POLK: variants seen among roughly 807,000 people sequenced by gnomAD.
The protein encoded by POLK is DNA polymerase kappa.
A neutral mutation model predicts 94.0 loss-of-function variants in POLK; 76 were observed. The ratio of observed to expected loss-of-function variants is 0.81; its 90% CI spans 0.67 to 0.98. The LOEUF (loss-of-function observed/expected upper bound fraction) is 0.98. POLK is among the 50% of genes least tolerant of loss of function. The pLI, the probability that POLK is intolerant of heterozygous loss-of-function variation, is 0.00. For missense variants in POLK, 954 were observed against 1,010.1 expected, an observed-to-expected ratio of 0.94 and a Z score of 0.75; for synonymous variants, 349 against 325.4, an observed-to-expected ratio of 1.07 and a Z score of -0.78.
exon 15 of POLK, chr5:75,598,220 A>G: frequency 3.2e-6 from 1 of 307,754 alleles, no homozygotes. Context: ...TACTTCCATT[A>G]TACATCAATT....
rs1771717446 is a variant in POLK at position 75,573,652 on chromosome 5, A to G, written c.409-86A>G. 11 of 1,106,942 alleles carry G rather than the reference A, an allele frequency of 9.9e-6. No individual in the cohort carries two copies. The Admixed American group carries it at 1.9e-4, about 19-fold the overall frequency. The allele number at this position is 1,106,942 out of a possible 1,614,324, so 68.6% of individuals were successfully genotyped here. ...AAATGTCCTTGAATTGAAAATGCAC[A>G]TATTAATGTGTTTCTTATGAATGCA... On this transcript the variant is annotated intron_variant, in intron 4 of 14. Transcript: ENST00000241436.
chr5:75,526,419 A>G (rs1768844592), intron 1 of POLK, among the ~76,000 whole-genome samples: 1 of 152,042 alleles, frequency 6.6e-6, no homozygotes, highest in Admixed American at 6.6e-5. Context: ...GATTTTTACT[A>G]TGTAAATTAA....
chr5:75,583,253 T>C, intron 7 of POLK, 40 bp from the exon 8 acceptor site: 2 of 1,484,672 alleles, frequency 1.3e-6, no homozygotes, highest in Admixed American at 4.4e-5. Context: ...AAGTCATACA[T>C]ATCAACTTCT....
At chr5:75,542,690 T>C (rs942541334) in intron 1 of POLK, among the ~76,000 whole-genome samples, 1 of 147,536 alleles carries the variant, frequency 6.8e-6, no homozygotes, top group Non-Finnish European at 1.5e-5. Flanking sequence ...TATATACATA[T>C]ATGTATATAT....
At chr5:75,564,346 A>G (rs1245614034) in intron 3 of POLK, among the ~76,000 whole-genome samples, 1 of 151,560 alleles carries the variant, frequency 6.6e-6, no homozygotes, top group African/African-American at 2.4e-5. Flanking sequence ...GGGTCTCCTG[A>G]ATAGAGCACA....
chr5:75,537,077 G>A (rs1018091922), intron 1 of POLK, among the ~76,000 whole-genome samples: 1 of 152,248 alleles, frequency 6.6e-6, no homozygotes. Flanking sequence ...CACTGGGCTG[G>A]AGGCTGTTGC....
intron 6 of POLK, among the ~76,000 whole-genome samples, chr5:75,577,636 C>T (rs5744656): frequency 6.3e-4 from 96 of 152,292 alleles, no homozygotes; most frequent in Admixed American, 5.6e-3. Context: ...AGGGTTTGCT[C>T]ACAACCCACA....
chr5:75,590,238 A>G, intron 10 of POLK, 106 bp from the exon 11 acceptor site: 1 of 532,450 alleles, frequency 1.9e-6, no homozygotes. Context: ...ATTTTGTAAT[A>G]CAGAAAAATA....
chr5:75,559,014 G>A (rs1770796244), intron 3 of POLK, among the ~76,000 whole-genome samples: 1 of 152,092 alleles, frequency 6.6e-6, no homozygotes, highest in Non-Finnish European at 1.5e-5. Flanking sequence ...GAGGCTCTCT[G>A]GCATCTTTTG....
Position 75,597,727 on chromosome 5 carries a change from T to C in POLK, c.2486-20T>C. 7.2e-7 allele frequency: 1 copy of C among 1,395,080 alleles called. No individual in the cohort carries two copies. Among genetic ancestry groups the C allele is most frequent in the Non-Finnish European group, 9.6e-7 (1 of 1,036,844 alleles). 86.4% of individuals were successfully genotyped at this position (1,395,080 alleles called of 1,614,324 possible). A position where few individuals can be genotyped will look rare whatever the true frequency, so the allele number is the denominator to read the frequency against. ...TCATATTATTCATTATGGAATTTCTTGACTTTCTTTCCTCTAAAGGTAGCT... is the reference window on the plus strand; with the variant it reads ...TCATATTATTCATTATGGAATTTCTCGACTTTCTTTCCTCTAAAGGTAGCT... On this transcript the variant is annotated intron_variant, in intron 13 of 14. Coordinates refer to ENST00000241436, the Ensembl canonical transcript of POLK.
chr5:75,514,733 C>T (rs111998238), intron 1 of POLK, among the ~76,000 whole-genome samples: 23 of 152,144 alleles, frequency 1.5e-4, no homozygotes, highest in African/African-American at 5.5e-4. Flanking sequence ...GGCATAATGG[C>T]ACATATCTGT....
intron 11 of POLK, among the ~76,000 whole-genome samples, chr5:75,593,659 C>T (rs539264631): frequency 1.3e-5 from 2 of 152,062 alleles, no homozygotes; most frequent in African/African-American, 4.8e-5. Context: ...GCCTGGGTAA[C>T]ATAGTGAGAC....
At chr5:75,592,435 C>A (rs545703985) in intron 11 of POLK, among the ~76,000 whole-genome samples, 1 of 152,146 alleles carries the variant, frequency 6.6e-6, no homozygotes, top group Non-Finnish European at 1.5e-5. Context: ...GTTGGGGGGC[C>A]AGGCACGGTG....
At chr5:75,517,766 C>T (rs1768387977) in intron 1 of POLK, among the ~76,000 whole-genome samples, 1 of 152,168 alleles carries the variant, frequency 6.6e-6, no homozygotes, top group Admixed American at 6.5e-5. Flanking sequence ...GTGATGTTAG[C>T]TGTGGTTTTA....
intron 5 of POLK, among the ~76,000 whole-genome samples, chr5:75,576,198 C>A (rs1581061017): frequency 6.6e-6 from 1 of 151,948 alleles, no homozygotes; most frequent in African/African-American, 2.4e-5. Flanking sequence ...CATTTTTTTC[C>A]ATTCCAGATC....
At chr5:75,562,170 C>T (rs1018924240) in intron 3 of POLK, among the ~76,000 whole-genome samples, 7 of 152,072 alleles carry the variant, frequency 4.6e-5, no homozygotes, top group Admixed American at 2.6e-4. Context: ...TGTTTGTGTC[C>T]TCCTTTATTT....
intron 2 of POLK, among the ~76,000 whole-genome samples, chr5:75,551,397 C>A (rs1770324058): frequency 6.6e-6 from 1 of 151,504 alleles, no homozygotes; most frequent in Admixed American, 6.6e-5. Flanking sequence ...TGAGACCCCA[C>A]CCCCCAACCT....
intron 1 of POLK, among the ~76,000 whole-genome samples, chr5:75,534,275 A>T (rs1769337038): frequency 6.6e-6 from 1 of 151,898 alleles, no homozygotes; most frequent in African/African-American, 2.4e-5. Flanking sequence ...TAAAAAAAAA[A>T]AAAAAAAGCT....
chr5:75,551,741 A>G (rs1424863572), intron 2 of POLK, among the ~76,000 whole-genome samples: 2 of 152,210 alleles, frequency 1.3e-5, no homozygotes, highest in Non-Finnish European at 2.9e-5. Context: ...AACGTGGAGA[A>G]ATTGGAACCC....
Sources: allele counts gnomAD v4.1 joint callset (sites outside exome capture counted in the v4.1 genomes callset), GRCh38; gene constraint gnomAD v4.1.1; transcripts MANE v1.5; gene names NCBI Gene and HGNC (gene_info 2026-07-23, HGNC 2026-07-21).